PKIG: variants seen among roughly 807,000 people sequenced by gnomAD.
PKIG encodes the protein cAMP-dependent protein kinase inhibitor gamma.
PKIG carries 1 observed loss-of-function variant against 6.8 expected under a neutral mutation model. That is an observed-to-expected ratio of 0.15 (90% CI 0.05 to 0.69). The LOEUF (loss-of-function observed/expected upper bound fraction) is 0.69. Ranked by LOEUF, PKIG falls within the 30% of genes least tolerant of loss-of-function variation. The pLI is 0.82. For missense variants in PKIG, 77 were observed against 104.0 expected, an observed-to-expected ratio of 0.74 and a Z score of 1.13; for synonymous variants, 39 against 43.0, an observed-to-expected ratio of 0.91 and a Z score of 0.36.
intron 1 of PKIG, among the ~76,000 whole-genome samples, chr20:44,568,753 T>C (rs891535860): frequency 3.9e-5 from 6 of 152,198 alleles, no homozygotes; most frequent in Non-Finnish European, 7.4e-5. Flanking sequence ...CTGGCTCTTA[T>C]GTGACTATTT....
intron 1 of PKIG, among the ~76,000 whole-genome samples, chr20:44,586,260 A>C (rs2064989654): frequency 6.6e-6 from 1 of 152,382 alleles, no homozygotes; most frequent in African/African-American, 2.4e-5. Context: ...GTACAAAAAT[A>C]CATGCTTAGG....
intron 1 of PKIG, among the ~76,000 whole-genome samples, chr20:44,586,158 C>A (rs550691269): frequency 5.1e-4 from 77 of 152,354 alleles, no homozygotes; most frequent in African/African-American, 1.7e-3. Context: ...GAACCTACTT[C>A]TCTTTCTGTC....
chr20:44,574,966 C>A (rs2123308133), intron 1 of PKIG, among the ~76,000 whole-genome samples: 1 of 152,296 alleles, frequency 6.6e-6, no homozygotes, highest in Non-Finnish European at 1.5e-5. Context: ...TAGCAGTGGT[C>A]TCCATTTAAC....
At chr20:44,568,877 G>C (rs2064831849) in intron 1 of PKIG, among the ~76,000 whole-genome samples, 1 of 152,100 alleles carries the variant, frequency 6.6e-6, no homozygotes, top group Non-Finnish European at 1.5e-5. Context: ...GGACTTTAAG[G>C]ATTTTCAGTT....
At chr20:44,572,618 A>G (rs2123298058) in intron 1 of PKIG, among the ~76,000 whole-genome samples, 1 of 152,302 alleles carries the variant, frequency 6.6e-6, no homozygotes, top group African/African-American at 2.4e-5. Flanking sequence ...GCAAAGCACC[A>G]CTTACTTGAA....
chr20:44,544,986 AG>A (rs1419162521), intron 1 of PKIG, among the ~76,000 whole-genome samples: 1 of 115,900 alleles, frequency 8.6e-6, no homozygotes, highest in Non-Finnish European at 1.6e-5. Flanking sequence ...CCTGAGCTGG[AG>A]TACGGTGGCA....
upstream of PKIG, among the ~76,000 whole-genome samples, chr20:44,581,282 G>A (rs185611424): frequency 2.6e-5 from 4 of 152,302 alleles, no homozygotes; most frequent in Admixed American, 1.3e-4. Flanking sequence ...ATGAGATTAT[G>A]TACAACGAGA....
chr20:44,610,500 T>TCTCTCACACACACA (rs1555841182), intron 2 of PKIG, among the ~76,000 whole-genome samples: 2 of 135,420 alleles, frequency 1.5e-5, no homozygotes, highest in African/African-American at 6.1e-5. Context: ...TCTCTCTCTC[T>TCTCTCACACACACA]CACACACACA....
At chr20:44,565,586 A>G (rs572022964) in intron 1 of PKIG, among the ~76,000 whole-genome samples, 1 of 152,324 alleles carries the variant, frequency 6.6e-6, no homozygotes, top group East Asian at 1.9e-4. Flanking sequence ...CTGTCCCATA[A>G]CAGTCCTAGA....
intron 1 of PKIG, among the ~76,000 whole-genome samples, chr20:44,567,206 C>G (rs180812280): frequency 6.6e-6 from 1 of 152,346 alleles, no homozygotes; most frequent in East Asian, 1.9e-4. Flanking sequence ...GGAAAGCCAT[C>G]TAACTACACC....
chr20:44,553,987 A>C (rs1194150190), intron 1 of PKIG, among the ~76,000 whole-genome samples: 1 of 152,206 alleles, frequency 6.6e-6, no homozygotes, highest in Non-Finnish European at 1.5e-5. Context: ...ACCAAAGGAC[A>C]GTGAGAGGGA....
chr20:44,544,985 G>A (rs1378468862), intron 1 of PKIG, among the ~76,000 whole-genome samples: 1 of 127,872 alleles, frequency 7.8e-6, no homozygotes, highest in Non-Finnish European at 1.6e-5. Flanking sequence ...GCCTGAGCTG[G>A]AGTACGGTGG....
chr20:44,539,753 T>C (rs911364910), intron 1 of PKIG, among the ~76,000 whole-genome samples: 1 of 130,426 alleles, frequency 7.7e-6, no homozygotes, highest in South Asian at 2.2e-4. Context: ...CATTATGAGA[T>C]TTTTTGTGTG....
chr20:44,608,529 G>A (rs138979828), intron 2 of PKIG, among the ~76,000 whole-genome samples: 2 of 152,224 alleles, frequency 1.3e-5, no homozygotes, highest in Admixed American at 6.5e-5. Flanking sequence ...TGGGCCAGGC[G>A]CAGTGGCTTA....
upstream of PKIG, among the ~76,000 whole-genome samples, chr20:44,578,523 G>A (rs921537001): frequency 1.3e-5 from 2 of 151,882 alleles, no homozygotes; most frequent in Admixed American, 1.3e-4. Flanking sequence ...CCTGGCCCTG[G>A]TTGTTTAAAA....
At position 44,548,854 on chromosome 20, in the gene PKIG, C is replaced by CCACACACA. The variant is rs11469110; in HGVS notation, c.-241+16919_-241+16926dup. On this transcript the variant is annotated intron_variant, in intron 1 of 4. Transcript: ENST00000372887. ...GACATTCATCCAGCCACTCCTCCCACCACACACACACACACACACACACAC... is the reference window on the plus strand; with the variant it reads ...GACATTCATCCAGCCACTCCTCCCACCACACACACACACACACACACACACACACACAC... 1.1e-3 allele frequency among the ~76,000 whole-genome samples: 154 copies of CCACACACA among 135,660 alleles called. 2 individuals are homozygous for CCACACACA. Among genetic ancestry groups the CCACACACA allele is most frequent in the Middle Eastern group, 7.4e-3 (2 of 270 alleles). The allele number at this position is 135,660 out of a possible 152,430, so 89.0% of individuals were successfully genotyped here.
intron 1 of PKIG, among the ~76,000 whole-genome samples, chr20:44,566,914 G>C (rs1254081953): frequency 1.3e-5 from 2 of 152,180 alleles, no homozygotes; most frequent in Non-Finnish European, 2.9e-5. Flanking sequence ...CCACAAATCA[G>C]TTGTAACCCA....
chr20:44,587,118 A>G (rs244108), intron 1 of PKIG, among the ~76,000 whole-genome samples: 152,109 of 152,360 alleles, frequency 1, 75,930 homozygotes, highest in Middle Eastern at 1. Flanking sequence ...CTAAGCACTG[A>G]ACTAGAGGAC....
intron 2 of PKIG, among the ~76,000 whole-genome samples, chr20:44,609,873 G>A (rs1745393282): frequency 6.6e-6 from 1 of 152,264 alleles, no homozygotes; most frequent in Admixed American, 6.5e-5. Context: ...GGCAGCTGTG[G>A]CCACTGAGTG....
Sources: allele counts gnomAD v4.1 joint callset (sites outside exome capture counted in the v4.1 genomes callset), GRCh38; gene constraint gnomAD v4.1.1; transcripts MANE v1.5; gene names NCBI Gene and HGNC (gene_info 2026-07-23, HGNC 2026-07-21).